Variants in PRDM5 observed in about 807,000 individuals in gnomAD.
PRDM5 encodes the protein PR domain zinc finger protein 5.
In PRDM5, 56 loss-of-function variants were observed where a neutral mutation model predicts 81.2. The observed-to-expected ratio is 0.69, with a 90% CI of 0.56 to 0.86. The LOEUF (loss-of-function observed/expected upper bound fraction) is 0.86, where lower values mean the gene tolerates loss of function less well. Among genes scored for constraint, PRDM5 ranks in the 40% least tolerant of loss-of-function variants. The probability of loss-of-function intolerance (pLI) is 0.00; values close to 1 mark genes in which losing one functional copy is unlikely to be tolerated. For synonymous variants in PRDM5, 267 were observed against 256.4 expected, an observed-to-expected ratio of 1.04 and a Z score of -0.39; for missense variants, 697 against 770.1, an observed-to-expected ratio of 0.91 and a Z score of 1.12.
chr4:120,780,645 A>T (rs1748904759), intron 12 of PRDM5, among the ~76,000 whole-genome samples: 1 of 152,150 alleles, frequency 6.6e-6, no homozygotes, highest in Non-Finnish European at 1.5e-5. Context: ...CTTTGAGTTA[A>T]GCAAGTATTT....
chr4:120,811,613 A>C (rs1470746921), intron 7 of PRDM5, among the ~76,000 whole-genome samples, 164 bp from the exon 8 acceptor site: 1 of 152,108 alleles, frequency 6.6e-6, no homozygotes, highest in Non-Finnish European at 1.5e-5. Flanking sequence ...TTATATTTTA[A>C]ATCTTTTTAA....
At chr4:120,877,179 G>A (rs1579081807) in intron 2 of PRDM5, among the ~76,000 whole-genome samples, 1 of 152,198 alleles carries the variant, frequency 6.6e-6, no homozygotes, top group Admixed American at 6.5e-5. Context: ...ACAAGGAAGA[G>A]AGCATGAGGT....
chr4:120,760,271 C>A (rs148770284), intron 13 of PRDM5, among the ~76,000 whole-genome samples: 1 of 152,098 alleles, frequency 6.6e-6, no homozygotes, highest in African/African-American at 2.4e-5. Context: ...TGGTTATCAA[C>A]GCTCATCAAG....
intron 14 of PRDM5, among the ~76,000 whole-genome samples, chr4:120,753,212 C>T (rs1049792205): frequency 1.3e-5 from 2 of 152,154 alleles, no homozygotes; most frequent in Non-Finnish European, 1.5e-5. Flanking sequence ...GTGACAACTG[C>T]TCACATGTAA....
chr4:120,810,056 T>A (rs929615323), intron 8 of PRDM5, among the ~76,000 whole-genome samples: 6 of 152,178 alleles, frequency 3.9e-5, no homozygotes, highest in African/African-American at 1.4e-4. Context: ...TCATTATACA[T>A]TTTAATGTAA....
At chr4:120,888,914 T>G (rs1763754448) in intron 2 of PRDM5, among the ~76,000 whole-genome samples, 1 of 152,238 alleles carries the variant, frequency 6.6e-6, no homozygotes, top group South Asian at 2.1e-4. Context: ...GTTCAAGTAT[T>G]TTGCCCATTT....
At chr4:120,882,799 A>G (rs1762989674) in intron 2 of PRDM5, among the ~76,000 whole-genome samples, 1 of 152,228 alleles carries the variant, frequency 6.6e-6, no homozygotes. Context: ...TTCCATTGAC[A>G]ATTAAATCAG....
At chr4:120,714,854 C>T (rs1560948717) in intron 14 of PRDM5, among the ~76,000 whole-genome samples, 1 of 152,202 alleles carries the variant, frequency 6.6e-6, no homozygotes, top group East Asian at 1.9e-4. Context: ...TGATTTATTG[C>T]CTTAGGGTTT....
At chr4:120,688,396 A>T (rs541139212), downstream of PRDM5, among the ~76,000 whole-genome samples, 113 of 152,186 alleles carry the variant, frequency 7.4e-4, no homozygotes, top group African/African-American at 2.5e-3. Flanking sequence ...TAACAGATAC[A>T]TGGTTTGCAA....
intron 14 of PRDM5, among the ~76,000 whole-genome samples, chr4:120,749,628 G>A (rs115498934): frequency 0.035 from 5,329 of 152,256 alleles, 307 homozygotes; most frequent in African/African-American, 0.12. Flanking sequence ...TCTGAGTGAG[G>A]AGGGAGACAC....
intron 2 of PRDM5, among the ~76,000 whole-genome samples, chr4:120,868,185 G>A (rs998745563): frequency 6.6e-6 from 1 of 152,108 alleles, no homozygotes; most frequent in Non-Finnish European, 1.5e-5. Context: ...AAGTGGAAAT[G>A]TTCCTATATA....
chr4:120,876,831 A>C (rs1762375185), intron 2 of PRDM5, among the ~76,000 whole-genome samples: 1 of 152,208 alleles, frequency 6.6e-6, no homozygotes, highest in Non-Finnish European at 1.5e-5. Context: ...CTCTATTGCT[A>C]TAGGAACTAG....
At chr4:120,915,205 T>A (rs1292246219) in intron 1 of PRDM5, among the ~76,000 whole-genome samples, 2 of 152,112 alleles carry the variant, frequency 1.3e-5, no homozygotes, top group African/African-American at 2.4e-5. Flanking sequence ...ATCACTACTA[T>A]CCTAACAATG....
chr4:120,802,032 A>G (rs1025816134), intron 8 of PRDM5, among the ~76,000 whole-genome samples: 1 of 152,178 alleles, frequency 6.6e-6, no homozygotes, highest in Non-Finnish European at 1.5e-5. Context: ...TATAAAATGG[A>G]AATCGTTAAA....
intron 14 of PRDM5, among the ~76,000 whole-genome samples, chr4:120,741,186 T>A (rs919486969): frequency 1.3e-5 from 2 of 152,076 alleles, no homozygotes; most frequent in African/African-American, 4.8e-5. Context: ...CTTAAAAGAC[T>A]CCTTTCTGTT....
At chr4:120,763,310 G>C (rs1170241453) in intron 13 of PRDM5, among the ~76,000 whole-genome samples, 1 of 152,058 alleles carries the variant, frequency 6.6e-6, no homozygotes. Flanking sequence ...AAAAGAATAC[G>C]AGATGCAGAA....
intron 13 of PRDM5, among the ~76,000 whole-genome samples, chr4:120,759,809 T>C (rs1211795745): frequency 6.6e-6 from 1 of 152,194 alleles, no homozygotes; most frequent in Non-Finnish European, 1.5e-5. Flanking sequence ...AGTCACAGTA[T>C]TCAAATTCTA....
chr4:120,788,172 TTAAA>T (rs1283499725), intron 10 of PRDM5, among the ~76,000 whole-genome samples: 2 of 152,160 alleles, frequency 1.3e-5, no homozygotes. Flanking sequence ...CTACTTTTTT[TTAAA>T]TAAAAGGAAA....
Position 120,777,272 on chromosome 4 carries a change from C to T in PRDM5, c.1453G>A (p.Gly485Arg). The change falls in exon 13 of 16, where the codon GGA becomes AGA. Residue 485 changes from glycine to arginine, a missense_variant. Coordinates refer to ENST00000264808, the MANE Select transcript of PRDM5 (RefSeq NM_018699.4). ...TATGGACAGATTTTCTCCTTTTCTC[C>T]TGTATGTGTCTAAAAGGAAAGGGAT... ...VLRSHKKTHT[G>R]EKEKICPYCG... 1 of 1,613,282 alleles carries T rather than the reference C, an allele frequency of 6.2e-7. No individual in the cohort carries two copies. Among genetic ancestry groups the T allele is most frequent in the Non-Finnish European group, 8.5e-7 (1 of 1,179,446 alleles).
Sources: allele counts gnomAD v4.1 joint callset (sites outside exome capture counted in the v4.1 genomes callset), GRCh38; gene constraint gnomAD v4.1.1; transcripts MANE v1.5; gene names NCBI Gene and HGNC (gene_info 2026-07-23, HGNC 2026-07-21).